The following HNRNPM variants were observed in gnomAD, a reference collection of about 807,000 sequenced individuals.
HNRNPM encodes heterogeneous nuclear ribonucleoprotein M.
HNRNPM carries 11 observed loss-of-function variants against 73.1 expected under a neutral mutation model. The observed-to-expected ratio is 0.15, with a 90% CI of 0.09 to 0.25. The LOEUF is 0.25. Among genes scored for constraint, HNRNPM ranks in the 10% least tolerant of loss-of-function variants. The pLI is 1.00. For synonymous variants in HNRNPM, 407 were observed against 355.2 expected (o/e 1.15, Z -1.64); for missense variants, 789 against 1,067.9 (o/e 0.74, Z 3.64).
intron 1 of HNRNPM, among the ~76,000 whole-genome samples, chr19:8,454,269 T>G (rs890883547): frequency 6.6e-6 from 1 of 152,178 alleles, no homozygotes; most frequent in Non-Finnish European, 1.5e-5. Context: ...TAACCTCTGT[T>G]CTACTTTCTG....
At chr19:8,488,137 A>C (rs964021078) in intron 15 of HNRNPM, 2 of 152,246 alleles carry the variant, frequency 1.3e-5, no homozygotes, top group Admixed American at 6.6e-5. Flanking sequence ...CCTCCACCCT[A>C]CCTGCCCTGG....
At chr19:8,469,869 C>T (rs1210670244) in intron 9 of HNRNPM, among the ~76,000 whole-genome samples, 2 of 152,200 alleles carry the variant, frequency 1.3e-5, no homozygotes, top group Admixed American at 6.5e-5. Flanking sequence ...GCCAGAGCAC[C>T]TTTGCAGCGT....
intron 13 of HNRNPM, 113 bp downstream of exon 13, chr19:8,483,324 G>A (rs958203256): frequency 1.2e-5 from 9 of 772,392 alleles, no homozygotes; most frequent in African/African-American, 1.1e-4. Flanking sequence ...CCCGGGGTGG[G>A]AGCAGCTCTG....
Position 8,488,914 on chromosome 19 carries a change from C to A in HNRNPM, c.*60C>A. ...CTGAATTTGTATTTTTTCTTGTTAA[C>A]CATTTTAATTTGTTGGCTGGATGTA... is the stretch of plus-strand genomic sequence containing the variant. On this transcript the variant is annotated 3_prime_UTR_variant, in exon 16 of 16. Transcript: ENST00000325495. The A allele has an allele frequency of 6.9e-7, 1 of 1,446,946 alleles. No homozygotes were observed. Among genetic ancestry groups the A allele is most frequent in the Admixed American group, 2.1e-5 (1 of 47,816 alleles). The allele number at this position is 1,446,946 out of a possible 1,614,324, so 89.6% of individuals were successfully genotyped here.
chr19:8,460,694 T>G (rs1969339870), intron 2 of HNRNPM, among the ~76,000 whole-genome samples: 1 of 152,250 alleles, frequency 6.6e-6, no homozygotes, highest in Non-Finnish European at 1.5e-5. Flanking sequence ...GACTAGAAAC[T>G]TCCCATGCAA....
At chr19:8,473,559 T>A (rs925808824) in intron 10 of HNRNPM, 105 bp from the exon 11 acceptor site, 3 of 737,704 alleles carry the variant, frequency 4.1e-6, no homozygotes, top group Non-Finnish European at 4.8e-6. Flanking sequence ...TCATCAGGGA[T>A]TTTCTTTTGA....
intron 8 of HNRNPM, 53 bp downstream of exon 8, chr19:8,467,637 GAATT>G (rs1969845853): frequency 1.6e-6 from 2 of 1,249,426 alleles, no homozygotes; most frequent in Non-Finnish European, 2.4e-6. Context: ...CAAAAACATG[GAATT>G]AATAAGAGTG....
chr19:8,488,910 T>G lies in HNRNPM; in HGVS notation c.*56T>G, dbSNP rs1325491775. 1 of 1,460,990 alleles carries G rather than the reference T, an allele frequency of 6.8e-7. No individual in the cohort carries two copies. The highest frequency in any genetic ancestry group is 9.3e-7 in the Non-Finnish European group (1 of 1,074,462). 90.5% of individuals were successfully genotyped at this position (1,460,990 alleles called of 1,614,324 possible). ...ACCTCTGAATTTGTATTTTTTCTTGTTAACCATTTTAATTTGTTGGCTGGA... is the reference window on the plus strand; with the variant it reads ...ACCTCTGAATTTGTATTTTTTCTTGGTAACCATTTTAATTTGTTGGCTGGA... On this transcript the variant is annotated 3_prime_UTR_variant, in exon 16 of 16. Coordinates refer to ENST00000325495, the MANE Select transcript of HNRNPM (RefSeq NM_005968.5).
chr19:8,475,737 A>G (rs1193027562), intron 12 of HNRNPM, among the ~76,000 whole-genome samples: 2 of 152,202 alleles, frequency 1.3e-5, no homozygotes, highest in African/African-American at 2.4e-5. Context: ...TAATTTTTAA[A>G]AAAAGTTTCA....
intron 1 of HNRNPM, among the ~76,000 whole-genome samples, chr19:8,447,150 T>C (rs1968245543): frequency 6.6e-6 from 1 of 152,074 alleles, no homozygotes; most frequent in Non-Finnish European, 1.5e-5. Flanking sequence ...TAGAATAAAA[T>C]AGCCGTTGTG....
intron 1 of HNRNPM, 149 bp downstream of exon 1, chr19:8,445,260 T>C (rs11881939): frequency 0.95 from 623,113 of 657,784 alleles, 298,779 homozygotes; most frequent in East Asian, 0.99. Context: ...TAGCGGCGTC[T>C]AGGGCCGTGA....
chr19:8,484,055 C>T (rs1314754742), intron 13 of HNRNPM, among the ~76,000 whole-genome samples: 3 of 152,164 alleles, frequency 2.0e-5, no homozygotes, highest in Non-Finnish European at 4.4e-5. Flanking sequence ...GCCACCACAC[C>T]TGGCCCAAAT....
chr19:8,485,811 C>T lies in HNRNPM; in HGVS notation c.1383C>T (p.Gly461=). ...GSGIERMGPL[G]LDHMASSIER... is the part of the protein sequence containing the mutation. ...GCATTGAGCGCATGGGCCCGCTGGG[C>T]CTCGACCACATGGCCTCCAGCATTG... The change falls in exon 14 of 16, where the codon GGC becomes GGT. Residue 461 remains glycine, a synonymous_variant. Transcript: ENST00000325495. 1 of 1,601,916 alleles carries T rather than the reference C, an allele frequency of 6.2e-7. No individual in the cohort carries two copies. The highest frequency in any genetic ancestry group is 8.5e-7 in the Non-Finnish European group (1 of 1,179,022).
At chr19:8,484,397 G>A (rs946523162) in intron 13 of HNRNPM, among the ~76,000 whole-genome samples, 3 of 151,938 alleles carry the variant, frequency 2.0e-5, no homozygotes, top group East Asian at 3.9e-4. Flanking sequence ...GGCTGGTCGC[G>A]AACTCCTGAC....
Position 8,484,585 on chromosome 19 carries a change from C to T in HNRNPM, c.1175-1018C>T, listed in dbSNP as rs571038140. Among the ~76,000 whole-genome samples the T allele has an allele frequency of 5.3e-5, 8 of 152,350 alleles. No individual in the cohort carries two copies. In the South Asian group the frequency reaches 8.3e-4, roughly 16 times the overall value. On this transcript the variant is annotated intron_variant, in intron 13 of 15. Transcript: ENST00000325495. ...TCTGAAAGTCACACATTCTTAGAGTCGGGCCTGCTTTGGCCGCTCACTGTG... is the reference window on the plus strand; with the variant it reads ...TCTGAAAGTCACACATTCTTAGAGTTGGGCCTGCTTTGGCCGCTCACTGTG...
At position 8,465,496 on chromosome 19, in the gene HNRNPM, G is replaced by T. The variant is rs149021683; in HGVS notation, c.611G>T (p.Ser204Ile). 2 of 1,609,266 alleles carry T rather than the reference G, an allele frequency of 1.2e-6. No homozygotes were observed. Among genetic ancestry groups the T allele is most frequent in the Non-Finnish European group, 8.5e-7 (1 of 1,177,578 alleles). Residue 204 changes from serine (S) to isoleucine (I), a missense_variant, in exon 6 of 16, where the codon AGC (serine) becomes ATC (isoleucine). Transcript: ENST00000325495. ...GCATTACAGGCTGGAAGACTTGGAA[G>T]CACAGTATTTGTAGCAAATGTAAGT... is the stretch of plus-strand genomic sequence containing the variant. ...IHALQAGRLG[S>I]TVFVANLDYK...
At position 8,444,977 on chromosome 19, in the gene HNRNPM, A is replaced by AC; in HGVS notation, c.-21dup. The AC allele has an allele frequency of 7.2e-7, 1 of 1,383,094 alleles. No individual in the cohort carries two copies. Among genetic ancestry groups the AC allele is most frequent in the Non-Finnish European group, 9.4e-7 (1 of 1,066,784 alleles). The allele number at this position is 1,383,094 out of a possible 1,614,324, so 85.7% of individuals were successfully genotyped here. On this transcript the variant is annotated 5_prime_UTR_variant, in exon 1 of 16. Coordinates refer to ENST00000325495, the MANE Select transcript of HNRNPM (RefSeq NM_005968.5). Reference sequence around the variant, plus strand: ...AGCGCGGTGCAGCCCGTTCGCTCACACAAAGCCCAGACGCGGAGAAAATGG... The same window carrying AC: ...AGCGCGGTGCAGCCCGTTCGCTCACACCAAAGCCCAGACGCGGAGAAAATGG...
intron 9 of HNRNPM, among the ~76,000 whole-genome samples, chr19:8,470,319 C>T (rs985597678): frequency 6.6e-6 from 1 of 152,000 alleles, no homozygotes; most frequent in Non-Finnish European, 1.5e-5. Context: ...TGCTTTCTTT[C>T]CTTCCTTTCT....
intron 10 of HNRNPM, among the ~76,000 whole-genome samples, chr19:8,472,172 GAA>G (rs34058302): frequency 0.01 from 848 of 83,544 alleles, 9 homozygotes; most frequent in African/African-American, 0.036. Context: ...TCCGTCTCCA[GAA>G]AAAAAAAAAA....
Sources: gnomAD v4.1 joint callset for allele counts (sites outside exome capture counted in the v4.1 genomes callset) on GRCh38, gnomAD v4.1.1 for gene constraint, MANE v1.5 for transcripts, NCBI Gene and HGNC (gene_info 2026-07-23, HGNC 2026-07-21) for gene names.